Variants in KHK observed in about 807,000 individuals in gnomAD.
The protein encoded by KHK is ketohexokinase.
In KHK, 37 loss-of-function variants were observed where a neutral mutation model predicts 36.0. The observed-to-expected ratio is 1.03, with a 90% CI of 0.79 to 1.35. KHK has a LOEUF of 1.35. KHK is among the 40% of genes most tolerant of loss of function. The pLI, the probability that KHK is intolerant of heterozygous loss-of-function variation, is 0.00. For missense variants in KHK, 395 were observed against 391.9 expected, an observed-to-expected ratio of 1.01 and a Z score of -0.07; for synonymous variants, 161 against 162.8, an observed-to-expected ratio of 0.99 and a Z score of 0.08.
Position 27,100,296 on chromosome 2 carries a change from C to T in KHK, c.*546C>T, listed in dbSNP as rs1160733911. On this transcript the variant is annotated 3_prime_UTR_variant, in exon 8 of 8. Transcript: ENST00000260598. The stretch of plus-strand genomic sequence containing the variant: ...GCTGAACTGACAGGCCAGTGGGGGG[C>T]AGGGGTGCGCCTCCTCTGCCCTGCC... 1.9e-6 allele frequency: 1 copy of T among 514,874 alleles called. No individual in the cohort carries two copies. The highest frequency in any genetic ancestry group is 2.0e-5 in the African/African-American group (1 of 50,652). The allele number at this position is 514,874 out of a possible 1,614,324, so 31.9% of individuals were successfully genotyped here.
chr2:27,090,092 T>C (rs1572857935), intron 1 of KHK, among the ~76,000 whole-genome samples: 1 of 152,246 alleles, frequency 6.6e-6, no homozygotes, highest in African/African-American at 2.4e-5. Context: ...CGTCAGGCGA[T>C]CCGCCTGCCT....
intron 1 of KHK, among the ~76,000 whole-genome samples, chr2:27,090,172 C>T (rs1669903535): frequency 6.6e-6 from 1 of 152,128 alleles, no homozygotes; most frequent in Non-Finnish European, 1.5e-5. Context: ...CATTTCTGCA[C>T]AGGAAATATC....
intron 3 of KHK, among the ~76,000 whole-genome samples, chr2:27,096,431 TCAGTG>T (rs1233248497): frequency 6.6e-6 from 1 of 152,148 alleles, no homozygotes; most frequent in Non-Finnish European, 1.5e-5. Flanking sequence ...CTTGGCGCTC[TCAGTG>T]CATTCTGGGA....
intron 5 of KHK, 192 bp from the exon 6 acceptor site, chr2:27,099,004 A>C (rs1446795768): frequency 1.0e-5 from 6 of 593,572 alleles, no homozygotes; most frequent in Non-Finnish European, 1.5e-5. Context: ...GTTCAAGACC[A>C]GCCTCAGGGA....
chr2:27,097,446 T>A (rs1670426222), intron 4 of KHK, 57 bp from the exon 5 acceptor site: 1 of 1,608,828 alleles, frequency 6.2e-7, no homozygotes, highest in African/African-American at 1.3e-5. Context: ...GCAGGAAGAA[T>A]GAGGCAGATT....
At position 27,099,400 on chromosome 2, in the gene KHK, TGAGTG is replaced by T. The variant is rs1320068222; in HGVS notation, c.654-16_654-12del. ...GGGACGGGGTGGGCTAACACCCAGC[TGAGTG>T]GAGCCGTCTTGCAGGGCTGTGCTTG... On this transcript the variant is annotated splice_polypyrimidine_tract_variant and intron_variant, in intron 6 of 7. Coordinates refer to ENST00000260598, the MANE Select transcript of KHK (RefSeq NM_006488.3). 5.0e-6 allele frequency: 8 copies of T among 1,612,726 alleles called. No individual in the cohort carries two copies. Among genetic ancestry groups the T allele is most frequent in the Non-Finnish European group, 6.8e-6 (8 of 1,178,914 alleles).
In KHK at chr2:27,097,608, C is replaced by G. The variant is rs780869692; in HGVS notation, c.523C>G (p.Pro175Ala). 1 of 1,614,004 alleles carries G rather than the reference C, an allele frequency of 6.2e-7. No individual in the cohort carries two copies. The highest frequency in any genetic ancestry group is 1.3e-5 in the African/African-American group (1 of 74,944). ...CCGGGTGTCCGTGGAGGTGGAGAAG[C>G]CACGAGAGGAGCTCTTCCAGCTGTT... Reference protein sequence around the residue: ...KIRVSVEVEKPREELFQLFGY... With the variant: ...KIRVSVEVEKAREELFQLFGY... The change falls in exon 5 of 8, where the codon CCA (proline) becomes GCA (alanine). Residue 175 changes from proline to alanine, a missense_variant. Pro to Ala is a conservative substitution (Grantham distance 27, BLOSUM62 -1). Coordinates refer to ENST00000260598, the MANE Select transcript of KHK (RefSeq NM_006488.3).
intron 2 of KHK, among the ~76,000 whole-genome samples, chr2:27,093,162 G>A (rs1018760153): frequency 2.0e-5 from 3 of 152,182 alleles, no homozygotes; most frequent in Admixed American, 1.3e-4. Flanking sequence ...TTGCTGGCCT[G>A]TGAAGGGCAG....
intron 1 of KHK, among the ~76,000 whole-genome samples, chr2:27,089,798 G>A (rs535288808): frequency 6.6e-6 from 1 of 152,326 alleles, no homozygotes; most frequent in South Asian, 2.1e-4. Context: ...TTGACAGGCA[G>A]TTGGGGACTC....
In KHK at chr2:27,094,785, G is replaced by A. The variant is rs372511538; in HGVS notation, c.210-15G>A. On this transcript the variant is annotated splice_polypyrimidine_tract_variant and intron_variant, in intron 2 of 7. Transcript: ENST00000260598. ...TGTCTCCTTGCCCTTTTCCTGGCCCGGCCTCCACCCTAAGCTTCCTGGTGG... is the reference window on the plus strand; with the variant it reads ...TGTCTCCTTGCCCTTTTCCTGGCCCAGCCTCCACCCTAAGCTTCCTGGTGG... 3.1e-5 allele frequency: 50 copies of A among 1,613,838 alleles called. 1 individual carries two copies. Among genetic ancestry groups the A allele is most frequent in the Non-Finnish European group, 3.8e-5 (45 of 1,180,040 alleles).
intron 1 of KHK, among the ~76,000 whole-genome samples, chr2:27,091,416 G>A (rs915191833): frequency 2.0e-5 from 3 of 151,982 alleles, no homozygotes; most frequent in Non-Finnish European, 4.4e-5. Flanking sequence ...TAATGACATC[G>A]TGCTCCCCTT....
chr2:27,091,949 C>G (rs1223282926), intron 1 of KHK, among the ~76,000 whole-genome samples: 1 of 152,224 alleles, frequency 6.6e-6, no homozygotes, highest in Non-Finnish European at 1.5e-5. Context: ...GTTGCTCCAG[C>G]TCTCAAGGAG....
chr2:27,094,695 C>G, intron 2 of KHK, 105 bp from the exon 3 acceptor site: 1 of 1,612,560 alleles, frequency 6.2e-7, no homozygotes, highest in Non-Finnish European at 8.5e-7. Context: ...CTTAGAGGCT[C>G]GTGTGCTCCA....
chr2:27,087,206 A>T lies in KHK; in HGVS notation c.-54A>T. ...CACCATCCTCCTGGATAAGAGGCAG[A>T]GGCCGGGAGGAACCCCGTCAGCCGG... is the stretch of plus-strand genomic sequence containing the variant. On this transcript the variant is annotated 5_prime_UTR_variant, in exon 1 of 8. Transcript: ENST00000260598. The T allele has an allele frequency of 6.9e-7, 1 of 1,450,010 alleles. No individual in the cohort carries two copies. Among genetic ancestry groups the T allele is most frequent in the Non-Finnish European group, 9.5e-7 (1 of 1,054,736 alleles). The allele number at this position is 1,450,010 out of a possible 1,614,324, so 89.8% of individuals were successfully genotyped here.
intron 4 of KHK, 52 bp downstream of exon 4, chr2:27,096,853 C>T (rs771257671): frequency 7.6e-7 from 1 of 1,321,280 alleles, no homozygotes; most frequent in African/African-American, 1.4e-5. Flanking sequence ...CAGCCTCCTC[C>T]ACATGTTCTG....
Position 27,100,493 on chromosome 2 carries a change from T to C in KHK, c.*743T>C. 4 of 1,291,044 alleles carry C rather than the reference T, an allele frequency of 3.1e-6. No homozygotes were observed. Among genetic ancestry groups the C allele is most frequent in the Non-Finnish European group, 4.0e-6 (4 of 988,872 alleles). The allele number at this position is 1,291,044 out of a possible 1,614,324, so 80.0% of individuals were successfully genotyped here. A position where few individuals can be genotyped will look rare whatever the true frequency, so the allele number is the denominator to read the frequency against. ...TTGCTGTCCTCAGGGAGGTCCGATC[T>C]GGAACACATATTGGAATTGGGGCCA... On this transcript the variant is annotated 3_prime_UTR_variant, in exon 8 of 8. Transcript: ENST00000260598.
chr2:27,090,112 A>G (rs1397027595), intron 1 of KHK, among the ~76,000 whole-genome samples: 1 of 152,166 alleles, frequency 6.6e-6, no homozygotes, highest in Non-Finnish European at 1.5e-5. Flanking sequence ...TCAGCCTCCC[A>G]AAGTGCTGGG....
At chr2:27,099,017 C>G in intron 5 of KHK, 179 bp from the exon 6 acceptor site, 1 of 645,520 alleles carries the variant, frequency 1.5e-6, no homozygotes, top group South Asian at 1.6e-5. Flanking sequence ...CTCAGGGAGA[C>G]CATCTTCACA....
In KHK at chr2:27,100,699, G is replaced by A. The variant is rs192265975; in HGVS notation, c.*949G>A. The A allele has an allele frequency of 5.5e-6, 6 of 1,090,676 alleles. No individual in the cohort carries two copies. The Admixed American group carries it at 1.7e-4, about 32-fold the overall frequency. 67.6% of individuals were successfully genotyped at this position (1,090,676 alleles called of 1,614,324 possible). The stretch of plus-strand genomic sequence containing the variant: ...CTGTCAAATGGAACCAATTCTGCTT[G>A]GCTACAGAATTATTGTGAGGATAAA... On this transcript the variant is annotated 3_prime_UTR_variant, in exon 8 of 8. Coordinates refer to ENST00000260598, the MANE Select transcript of KHK (RefSeq NM_006488.3).
Sources: gnomAD v4.1 joint callset for allele counts (sites outside exome capture counted in the v4.1 genomes callset) on GRCh38, gnomAD v4.1.1 for gene constraint, MANE v1.5 for transcripts, NCBI Gene and HGNC (gene_info 2026-07-23, HGNC 2026-07-21) for gene names.